Variants in ELFN1 observed in about 807,000 individuals in gnomAD.
ELFN1 encodes protein ELFN1.
A neutral mutation model predicts 7.6 loss-of-function variants in ELFN1; 6 were observed. That is an observed-to-expected ratio of 0.79 (90% confidence interval 0.43 to 1.56). The LOEUF is 1.56. Among genes scored for constraint, ELFN1 ranks in the 40% most tolerant of loss-of-function variants. ELFN1 has a pLI of 0.01. For synonymous variants in ELFN1, 657 were observed against 588.1 expected (o/e 1.12, Z -1.70); for missense variants, 1,169 against 1,232.2 (o/e 0.95, Z 0.77).
upstream of ELFN1, among the ~76,000 whole-genome samples, chr7:1,668,242 C>T (rs1036060262): frequency 2.0e-5 from 3 of 152,264 alleles, no homozygotes; most frequent in Admixed American, 2.0e-4. Flanking sequence ...AGGCCCTCGG[C>T]CTCAGTTTGC....
chr7:1,666,090 G>C (rs1266006288), upstream of ELFN1, among the ~76,000 whole-genome samples: 1 of 151,568 alleles, frequency 6.6e-6, no homozygotes, highest in East Asian at 1.9e-4. This position sits in a 1 kb window ranked among gnomAD's most constrained non-coding sequence, Gnocchi z 7.9. Flanking sequence ...CGCCGCCGCC[G>C]CCGCGCTCGG....
In ELFN1 at chr7:1,683,076, T is replaced by C. The variant is rs146737631; in HGVS notation, c.-548-4982T>C. ...ATATTTTAAGGATTTTTGAATCTTC[T>C]GCTTATGAGGTTTAAAGGTCTGTTA... On this transcript the variant is annotated intron_variant, in intron 1 of 3. Transcript: ENST00000424383. Among the ~76,000 whole-genome samples, 956 of 152,340 alleles carry C rather than the reference T, an allele frequency of 6.3e-3. 13 individuals carry two copies. Among genetic ancestry groups the C allele is most frequent in the African/African-American group, 0.022 (917 of 41,576 alleles).
chr7:1,698,574 T>A (rs561472508), intron 2 of ELFN1, among the ~76,000 whole-genome samples: 3 of 152,214 alleles, frequency 2.0e-5, no homozygotes, highest in African/African-American at 7.2e-5. Context: ...TTTGAATATA[T>A]GTAATAGCAT....
rs778478791 is a variant in ELFN1 at position 1,746,070 on chromosome 7, G to A, written c.1474G>A (p.Glu492Lys). 1.2e-4 allele frequency: 181 copies of A among 1,546,900 alleles called. 1 individual carries two copies. The highest frequency in any genetic ancestry group is 1.1e-4 in the Non-Finnish European group (127 of 1,145,250). Residue 492 changes from glutamate (E) to lysine (K), a missense_variant, in exon 4 of 4, where the codon GAG (glutamate) becomes AAG (lysine). Transcript: ENST00000424383. The stretch of plus-strand genomic sequence containing the variant: ...GTCCCAGGGCCCGCTGCTGGGCCCC[G>A]AGGCCGTGACGCGCATCCCTTACCT... ...PLSQGPLLGPEAVTRIPYLPA... is the reference protein window; with the variant it reads ...PLSQGPLLGPKAVTRIPYLPA...
chr7:1,723,359 G>A (rs778927772), intron 3 of ELFN1, among the ~76,000 whole-genome samples: 12 of 152,186 alleles, frequency 7.9e-5, no homozygotes, highest in Non-Finnish European at 1.5e-4. Context: ...TTGTACAAAC[G>A]CCTATGTAAT....
At chr7:1,730,842 G>A (rs1780310724) in intron 3 of ELFN1, among the ~76,000 whole-genome samples, 1 of 152,146 alleles carries the variant, frequency 6.6e-6, no homozygotes, top group African/African-American at 2.4e-5. Context: ...AATTAAATGG[G>A]ATGTCTACAG....
Position 1,708,103 on chromosome 7 carries a change from C to T in ELFN1, c.-455-988C>T, listed in dbSNP as rs116511012. Among the ~76,000 whole-genome samples the T allele has an allele frequency of 9.3e-4, 142 of 152,302 alleles. 1 individual carries two copies. The highest frequency in any genetic ancestry group is 3.2e-3 in the African/African-American group (133 of 41,560). The stretch of plus-strand genomic sequence containing the variant: ...TACCTCCTCTGGTCCCTGCACCCCA[C>T]CAGCACCCCACAGCACTTCCCCTCC... On this transcript the variant is annotated intron_variant, in intron 2 of 3. Transcript: ENST00000424383.
intron 3 of ELFN1, among the ~76,000 whole-genome samples, chr7:1,737,093 C>T (rs1176366509): frequency 1.3e-5 from 2 of 152,168 alleles, no homozygotes; most frequent in Admixed American, 1.3e-4. Context: ...CTCCTGCCTT[C>T]ATGGCTCGAA....
chr7:1,685,486 T>A (rs1178350498), intron 1 of ELFN1, among the ~76,000 whole-genome samples: 2 of 152,170 alleles, frequency 1.3e-5, no homozygotes, highest in Non-Finnish European at 2.9e-5. Context: ...AGAGGCACAG[T>A]TTATTTTTCT....
intron 3 of ELFN1, among the ~76,000 whole-genome samples, chr7:1,731,504 G>T (rs1034005364): frequency 2.6e-5 from 4 of 152,152 alleles, no homozygotes; most frequent in African/African-American, 7.2e-5. Context: ...CCTCATGAGA[G>T]GGTGACCATA....
chr7:1,693,855 G>C (rs908774699), intron 2 of ELFN1: 1 of 452,716 alleles, frequency 2.2e-6, no homozygotes, highest in Non-Finnish European at 4.6e-6. Flanking sequence ...CTGGGCAGAG[G>C]CTCCAGCAGG....
At chr7:1,719,213 G>A (rs1473338990) in intron 3 of ELFN1, among the ~76,000 whole-genome samples, 2 of 137,226 alleles carry the variant, frequency 1.5e-5, no homozygotes, top group Non-Finnish European at 3.1e-5. Flanking sequence ...ACAGGGCCCC[G>A]CCCACCAACA....
At chr7:1,716,641 C>T in intron 3 of ELFN1, among the ~76,000 whole-genome samples, 1 of 152,342 alleles carries the variant, frequency 6.6e-6, no homozygotes, top group Admixed American at 6.5e-5. Context: ...CACGTGATGA[C>T]CCCTGGGGCT....
intron 3 of ELFN1, among the ~76,000 whole-genome samples, chr7:1,725,849 C>G (rs1340327621): frequency 6.6e-6 from 1 of 152,070 alleles, no homozygotes; most frequent in Non-Finnish European, 1.5e-5. Context: ...AATACACACT[C>G]AAAATAACAC....
intron 2 of ELFN1, chr7:1,693,941 C>A (rs1779240230): frequency 2.6e-6 from 1 of 390,942 alleles, no homozygotes; most frequent in Admixed American, 3.1e-5. Context: ...ACTCGGGAAG[C>A]CCCCGTCTGG....
chr7:1,709,637 G>A (rs1049316031), intron 3 of ELFN1, among the ~76,000 whole-genome samples: 2 of 152,274 alleles, frequency 1.3e-5, no homozygotes, highest in Non-Finnish European at 2.9e-5. Context: ...ATGGTCCAGT[G>A]TTTGAGCGTA....
Position 1,740,154 on chromosome 7 carries a change from G to A in ELFN1, c.-293-4150G>A, listed in dbSNP as rs1033642367. ...GACCTGAGGGGTGCCCATTCCAGAG[G>A]CGCCACGGCCTCTGTGTCTCCCTGA... On this transcript the variant is annotated intron_variant, in intron 3 of 3. Transcript: ENST00000424383. The surrounding 1 kb of genome is among the most constrained non-coding windows in gnomAD (Gnocchi z 5.0). Among the ~76,000 whole-genome samples, 1 of 152,198 alleles carries A rather than the reference G, an allele frequency of 6.6e-6. No homozygotes were observed. Among genetic ancestry groups the A allele is most frequent in the Admixed American group, 6.5e-5 (1 of 15,286 alleles).
At chr7:1,689,901 A>G (rs1779125328) in intron 2 of ELFN1, among the ~76,000 whole-genome samples, 1 of 152,158 alleles carries the variant, frequency 6.6e-6, no homozygotes, top group Non-Finnish European at 1.5e-5. Context: ...CAGGGATCTG[A>G]GCCAATGCAG....
intron 3 of ELFN1, among the ~76,000 whole-genome samples, chr7:1,734,855 A>C (rs1050506550): frequency 1.3e-5 from 2 of 151,304 alleles, no homozygotes; most frequent in African/African-American, 2.4e-5. Flanking sequence ...ACGCCACCAC[A>C]CCCGGCAAAT....
Sources: gnomAD v4.1 joint callset for allele counts (sites outside exome capture counted in the v4.1 genomes callset) on GRCh38, gnomAD v4.1.1 for gene constraint, Gnocchi (gnomAD v3.1) non-coding constraint, MANE v1.5 for transcripts, NCBI Gene and HGNC (gene_info 2026-07-23, HGNC 2026-07-21) for gene names.